COL6A5: variants seen among roughly 807,000 people sequenced by gnomAD.
COL6A5 encodes collagen type VI alpha 5 chain.
In COL6A5, 48 loss-of-function variants were observed where a neutral mutation model predicts 65.6. That is an observed-to-expected ratio of 0.73 (90% confidence interval 0.58 to 0.93). The LOEUF (loss-of-function observed/expected upper bound fraction) is 0.93. COL6A5 is among the 40% of genes least tolerant of loss of function. The pLI, the probability that COL6A5 is intolerant of heterozygous loss-of-function variation, is 0.00. For synonymous variants in COL6A5, 291 were observed against 322.8 expected (o/e 0.90, Z 1.05); for missense variants, 914 against 928.3 (o/e 0.98, Z 0.20).
At chr3:130,356,555 C>A (rs970017107) in intron 1 of COL6A5, among the ~76,000 whole-genome samples, 1 of 150,098 alleles carries the variant, frequency 6.7e-6, no homozygotes, top group African/African-American at 2.5e-5. Context: ...ACTTTTGCAC[C>A]GACCTAATAT....
exon 4 of COL6A5, chr3:130,379,869 C>G: frequency 6.4e-7 from 1 of 1,551,288 alleles, no homozygotes; most frequent in Non-Finnish European, 8.7e-7. Context: ...CCTTGAGCAT[C>G]CAAGGGGCTA....
intron 5 of COL6A5, among the ~76,000 whole-genome samples, chr3:130,458,320 A>C (rs1387540811): frequency 6.6e-6 from 1 of 152,116 alleles, no homozygotes; most frequent in Non-Finnish European, 1.5e-5. Context: ...GTGAATGAGG[A>C]GGAGAAAGCT....
chr3:130,470,556 T>TAAAAAAAAAAAAAAAAAAAAAAAAAAAAA (rs1559920041), intron 6 of COL6A5, among the ~76,000 whole-genome samples: 1 of 151,970 alleles, frequency 6.6e-6, no homozygotes, highest in African/African-American at 2.4e-5. Context: ...AAACATTTTT[T>TAAAAAAAAAAAAAAAAAAAAAAAAAAAAA]AAAAAATAGT....
intron 2 of COL6A5, 31 bp from the exon 35 acceptor site, chr3:130,440,135 A>G (rs999046781): frequency 1.1e-5 from 18 of 1,571,732 alleles, no homozygotes; most frequent in Non-Finnish European, 1.5e-5. Flanking sequence ...TCAGTGTTGA[A>G]CCAATGATGT....
rs139861578 is a variant in COL6A5 at position 130,366,085 on chromosome 3, G to A, written c.-28-7526G>A. On this transcript the variant is annotated intron_variant and NMD_transcript_variant, in intron 1 of 41. Coordinates refer to the COL6A5 transcript ENST00000312481. The stretch of plus-strand genomic sequence containing the variant: ...ATGGATAGTAATGCTGCTGATTTGG[G>A]GCCTTCATGATTTGGATGGCAGCTG... Among the ~76,000 whole-genome samples, 790 of 152,230 alleles carry A rather than the reference G, an allele frequency of 5.2e-3. 6 individuals carry two copies. Among genetic ancestry groups the A allele is most frequent in the Non-Finnish European group, 8.2e-3 (561 of 68,012 alleles).
chr3:130,429,704 G>C (rs924039916), upstream of COL6A5: 2 of 772,444 alleles, frequency 2.6e-6, no homozygotes, highest in Admixed American at 3.5e-5. Flanking sequence ...TATGCAGACA[G>C]TTCTTTCTTT....
exon 3 of COL6A5, chr3:130,440,406 T>C (rs1450764387): frequency 6.2e-6 from 10 of 1,613,632 alleles, no homozygotes; most frequent in Non-Finnish European, 7.6e-6. Flanking sequence ...AGGAGAAAGA[T>C]GGGTACAGTA....
intron 1 of COL6A5, among the ~76,000 whole-genome samples, chr3:130,369,355 T>C (rs1201107288): frequency 6.6e-6 from 1 of 152,236 alleles, no homozygotes; most frequent in Non-Finnish European, 1.5e-5. Context: ...TTTAGCAGTC[T>C]AAACCTCCAA....
chr3:130,467,623 T>G (rs1709848050), intron 5 of COL6A5, among the ~76,000 whole-genome samples: 1 of 152,082 alleles, frequency 6.6e-6, no homozygotes, highest in Admixed American at 6.6e-5. Context: ...GAATTTATAC[T>G]GGAAGGCAGG....
chr3:130,349,879 G>C (rs542581776), intron 1 of COL6A5, among the ~76,000 whole-genome samples: 1 of 152,138 alleles, frequency 6.6e-6, no homozygotes, highest in Non-Finnish European at 1.5e-5. Context: ...AGTAGCCCAG[G>C]CTTCTTTCTA....
intron 13 of COL6A5, 93 bp downstream of exon 13, chr3:130,403,755 A>T: frequency 6.2e-6 from 6 of 971,702 alleles, no homozygotes; most frequent in Middle Eastern, 6.6e-4. Flanking sequence ...TCTTTTTCAT[A>T]AAAAAAGCTT....
intron 4 of COL6A5, among the ~76,000 whole-genome samples, chr3:130,447,453 G>A (rs1477179386): frequency 2.0e-5 from 3 of 152,096 alleles, no homozygotes; most frequent in Non-Finnish European, 2.9e-5. Context: ...TTAATCCAGC[G>A]GCATTGACAT....
chr3:130,457,922 A>G (rs1709614306), intron 5 of COL6A5, among the ~76,000 whole-genome samples: 1 of 152,074 alleles, frequency 6.6e-6, no homozygotes, highest in Non-Finnish European at 1.5e-5. Context: ...GCACCTCCAT[A>G]TGCTGTGTTT....
chr3:130,401,193 C>A lies in COL6A5; in HGVS notation c.4134+20C>A. On this transcript the variant is annotated intron_variant and NMD_transcript_variant, in intron 11 of 41. Transcript: ENST00000312481. ...TACCTGGTGAGTTGTTGAACAAAAT[C>A]CCCGGTTGTTCAAAATGCCATGGGA... 8 of 1,519,000 alleles carry A rather than the reference C, an allele frequency of 5.3e-6. No homozygotes were observed. Among genetic ancestry groups the A allele is most frequent in the Non-Finnish European group, 7.1e-6 (8 of 1,134,096 alleles). The allele number at this position is 1,519,000 out of a possible 1,614,324, so 94.1% of individuals were successfully genotyped here.
chr3:130,475,809 C>A (rs1008637699), intron 7 of COL6A5, among the ~76,000 whole-genome samples: 1 of 152,120 alleles, frequency 6.6e-6, no homozygotes, highest in Admixed American at 6.6e-5. Flanking sequence ...AATAGCTGTA[C>A]TGTCTGTGAG....
intron 15 of COL6A5, 55 bp downstream of exon 15, chr3:130,406,074 A>G: frequency 8.4e-6 from 13 of 1,548,724 alleles, no homozygotes; most frequent in Non-Finnish European, 1.0e-5. Flanking sequence ...TAGTTTCCGA[A>G]TAAGCGTGTG....
exon 9 of COL6A5, chr3:130,397,747 A>T (rs2107660197): frequency 6.4e-7 from 1 of 1,551,708 alleles, no homozygotes; most frequent in African/African-American, 1.4e-5. Context: ...GGCACAGGTG[A>T]GCTTGGCGTT....
intron 5 of COL6A5, among the ~76,000 whole-genome samples, chr3:130,457,271 CA>C (rs527570418): frequency 9.2e-5 from 14 of 152,040 alleles, no homozygotes; most frequent in Admixed American, 9.2e-4. Flanking sequence ...ATCAAATTGT[CA>C]TTTGTGATAG....
intron 1 of COL6A5, among the ~76,000 whole-genome samples, chr3:130,356,606 A>G (rs935468017): frequency 6.6e-6 from 1 of 152,156 alleles, no homozygotes; most frequent in Non-Finnish European, 1.5e-5. Flanking sequence ...CATATTCCAG[A>G]AAAGAGTACA....
Sources: gnomAD v4.1 joint callset for allele counts (sites outside exome capture counted in the v4.1 genomes callset) on GRCh38, gnomAD v4.1.1 for gene constraint, MANE v1.5 for transcripts, NCBI Gene and HGNC (gene_info 2026-07-23, HGNC 2026-07-21) for gene names.